The following PCDH15 variants were observed in gnomAD, a reference collection of about 807,000 sequenced individuals.
PCDH15 encodes the protein protocadherin-15.
Under a neutral mutation model 178.5 loss-of-function variants are expected in PCDH15, and 129 were observed. That is an observed-to-expected ratio of 0.72 (90% confidence interval 0.63 to 0.84). The LOEUF (loss-of-function observed/expected upper bound fraction) is 0.84. PCDH15 is among the 40% of genes least tolerant of loss of function. PCDH15 has a pLI of 0.00. For synonymous variants in PCDH15, 800 were observed against 732.0 expected (o/e 1.09, Z -1.50); for missense variants, 2,230 against 2,099.9 (o/e 1.06, Z -1.21).
intron 2 of PCDH15, among the ~76,000 whole-genome samples, chr10:55,508,613 A>G (rs912957294): frequency 2.0e-5 from 3 of 151,800 alleles, no homozygotes; most frequent in Non-Finnish European, 4.4e-5. Flanking sequence ...CTTTGAACAT[A>G]ACTTCAGATT....
In PCDH15 at chr10:54,793,679, C is replaced by T. The variant is rs551791110; in HGVS notation, c.-29+7246G>A. ...ATATGCTTATATATACATATATACACACATATATATACATATATAAACATA... is the reference window on the plus strand; with the variant it reads ...ATATGCTTATATATACATATATACATACATATATATACATATATAAACATA... On this transcript the variant is annotated intron_variant, in intron 1 of 37. Transcript: ENST00000644397. 2.0e-5 allele frequency among the ~76,000 whole-genome samples: 3 copies of T among 148,166 alleles called. No individual in the cohort carries two copies. The Admixed American group carries it at 2.0e-4, about 10-fold the overall frequency.
chr10:54,198,424 G>T (rs144246570), intron 10 of PCDH15, among the ~76,000 whole-genome samples: 5 of 150,992 alleles, frequency 3.3e-5, no homozygotes, highest in African/African-American at 1.2e-4. Flanking sequence ...GTTCATACAT[G>T]CAAGGCATTT....
At chr10:54,663,617 A>G (rs2094524334) in intron 2 of PCDH15, among the ~76,000 whole-genome samples, 1 of 151,062 alleles carries the variant, frequency 6.6e-6, no homozygotes, top group Non-Finnish European at 1.5e-5. Flanking sequence ...ACTTACTGTT[A>G]GGGGAAAGCT....
At chr10:54,751,457 A>C (rs572780330) in intron 1 of PCDH15, among the ~76,000 whole-genome samples, 1 of 152,310 alleles carries the variant, frequency 6.6e-6, no homozygotes, top group East Asian at 1.9e-4. Context: ...ACTGGCAATA[A>C]TATCTTGATA....
Position 53,959,591 on chromosome 10 carries a change from CTA to C in PCDH15, c.3122+139_3122+140del, listed in dbSNP as rs1442369260. 4.7e-6 allele frequency: 3 copies of C among 636,248 alleles called. No homozygotes were observed. The African/African-American group carries it at 5.5e-5, about 12-fold the overall frequency. The allele number at this position is 636,248 out of a possible 1,614,324, so 39.4% of individuals were successfully genotyped here. A position where few individuals can be genotyped will look rare whatever the true frequency, so the allele number is the denominator to read the frequency against. ...CATATTAACCATTTAAAAATTTAAA[CTA>C]TATTTTATGTTAATTTAGAAACGCC... On this transcript the variant is annotated intron_variant, in intron 23 of 37. Transcript: ENST00000644397.
At chr10:54,576,439 A>G (rs762093228) in intron 2 of PCDH15, among the ~76,000 whole-genome samples, 3 of 152,228 alleles carry the variant, frequency 2.0e-5, no homozygotes, top group Admixed American at 6.5e-5. Context: ...TTTAAAGACA[A>G]CTTGCTGTAA....
At chr10:54,697,674 G>GAGAAGGGA in intron 1 of PCDH15, among the ~76,000 whole-genome samples, 1 of 123,376 alleles carries the variant, frequency 8.1e-6, no homozygotes, top group Non-Finnish European at 1.7e-5. Context: ...AAGGGGGAAG[G>GAGAAGGGA]GGAAGGGAGG....
chr10:55,291,009 G>A (rs1414254245), intron 1 of PCDH15, among the ~76,000 whole-genome samples: 3 of 152,044 alleles, frequency 2.0e-5, no homozygotes, highest in Non-Finnish European at 4.4e-5. Context: ...GTGATCTTAA[G>A]ATTTCATAAA....
At position 54,317,514 on chromosome 10, in the gene PCDH15, C is replaced by T. The variant is rs547617276; in HGVS notation, c.706-73G>A. ...CAATAGCCAGGAGCAGTGGCCCATACCTGTAATCCCAGAACTTTGGGAGGC... is the reference window on the plus strand; with the variant it reads ...CAATAGCCAGGAGCAGTGGCCCATATCTGTAATCCCAGAACTTTGGGAGGC... On this transcript the variant is annotated intron_variant, in intron 7 of 37. Coordinates refer to ENST00000644397, the MANE Select transcript of PCDH15 (RefSeq NM_001384140.1). The T allele has an allele frequency of 3.9e-6, 6 of 1,556,982 alleles. No homozygotes were observed. The African/African-American group carries it at 8.1e-5, about 21-fold the overall frequency.
At chr10:54,546,213 A>G (rs992768995) in intron 2 of PCDH15, among the ~76,000 whole-genome samples, 2 of 152,228 alleles carry the variant, frequency 1.3e-5, no homozygotes, top group East Asian at 1.9e-4. Flanking sequence ...TAAATTCATT[A>G]CAGATGAAAG....
Position 54,180,575 on chromosome 10 carries a change from G to C in PCDH15, c.1590+2869C>G, listed in dbSNP as rs548288742. On this transcript the variant is annotated intron_variant, in intron 13 of 37. Transcript: ENST00000644397. Reference sequence around the variant, plus strand: ...CTGATGTATCCTGTGTCAGGTCAATGGGGAAAGGCAGGGTTGTGATGAGGT... The same window carrying C: ...CTGATGTATCCTGTGTCAGGTCAATCGGGAAAGGCAGGGTTGTGATGAGGT... 2.6e-5 allele frequency among the ~76,000 whole-genome samples: 4 copies of C among 152,288 alleles called. No individual in the cohort carries two copies. The East Asian group carries it at 7.7e-4, about 29-fold the overall frequency.
chr10:54,571,113 A>G (rs1565627642), intron 2 of PCDH15, among the ~76,000 whole-genome samples: 1 of 152,114 alleles, frequency 6.6e-6, no homozygotes, highest in Admixed American at 6.6e-5. Context: ...CCATGTAGAC[A>G]GCAAATGCAC....
intron 2 of PCDH15, among the ~76,000 whole-genome samples, chr10:54,951,654 G>T (rs1379965218): frequency 1.3e-5 from 2 of 151,824 alleles, no homozygotes; most frequent in Admixed American, 1.3e-4. Flanking sequence ...TTTTAAAGCG[G>T]TTATAGCATT....
chr10:54,111,804 C>G (rs1275255770), intron 15 of PCDH15, among the ~76,000 whole-genome samples: 1 of 151,954 alleles, frequency 6.6e-6, no homozygotes, highest in Non-Finnish European at 1.5e-5. Context: ...ATATAATTCC[C>G]TAGTGATTGC....
chr10:55,054,126 C>G (rs181394406), intron 2 of PCDH15, among the ~76,000 whole-genome samples: 6 of 152,252 alleles, frequency 3.9e-5, no homozygotes, highest in Middle Eastern at 3.4e-3. Flanking sequence ...TCCTTTTCTT[C>G]TGTTGGAAGG....
At chr10:54,305,561 T>C (rs933534901) in intron 8 of PCDH15, among the ~76,000 whole-genome samples, 5 of 152,046 alleles carry the variant, frequency 3.3e-5, no homozygotes, top group African/African-American at 1.2e-4. Context: ...TGTGATAAGA[T>C]AGCAAATGAT....
chr10:55,419,719 C>CATACCCATTTCTTTCAT (rs143656486), intron 2 of PCDH15, among the ~76,000 whole-genome samples: 40,288 of 150,942 alleles, frequency 0.27, 6,544 homozygotes, highest in African/African-American at 0.46. Context: ...TACTATAGCA[C>CATACCCATTTCTTTCAT]ATACCCATTT....
At position 54,717,033 on chromosome 10, in the gene PCDH15, G is replaced by A. The variant is rs1318344545; in HGVS notation, c.-28-52743C>T. 4.0e-5 allele frequency among the ~76,000 whole-genome samples: 6 copies of A among 148,912 alleles called. No homozygotes were observed. In the East Asian group the frequency reaches 5.8e-4, roughly 14 times the overall value. ...GAAAGGATTCCCTATTTAAAAAATG[G>A]TGCTGGGAAAACTGGCTAGCTATAT... is the stretch of plus-strand genomic sequence containing the variant. On this transcript the variant is annotated intron_variant, in intron 1 of 37. Coordinates refer to ENST00000644397, the MANE Select transcript of PCDH15 (RefSeq NM_001384140.1).
intron 2 of PCDH15, among the ~76,000 whole-genome samples, chr10:55,129,180 C>T (rs1003686144): frequency 6.6e-6 from 1 of 152,082 alleles, no homozygotes; most frequent in Non-Finnish European, 1.5e-5. Flanking sequence ...CCAGTATTTG[C>T]TATACAAAAG....
Sources: allele counts gnomAD v4.1 joint callset (sites outside exome capture counted in the v4.1 genomes callset), GRCh38; gene constraint gnomAD v4.1.1; transcripts MANE v1.5; gene names NCBI Gene and HGNC (gene_info 2026-07-23, HGNC 2026-07-21).